PLEKHM3: variants seen among roughly 807,000 people sequenced by gnomAD.
PLEKHM3 encodes pleckstrin homology domain containing M3, also known as pleckstrin homology domain-containing family M member 3.
A neutral mutation model predicts 81.8 loss-of-function variants in PLEKHM3; 45 were observed. That is an observed-to-expected ratio of 0.55 (90% CI 0.43 to 0.71). PLEKHM3 has a LOEUF of 0.71. PLEKHM3 is among the 30% of genes least tolerant of loss of function. The pLI is 0.00. For missense variants in PLEKHM3, 788 were observed against 924.3 expected (o/e 0.85, Z 1.91); for synonymous variants, 352 against 356.4 (o/e 0.99, Z 0.14).
At chr2:207,896,036 T>C (rs568771023) in intron 6 of PLEKHM3, among the ~76,000 whole-genome samples, 59 of 152,344 alleles carry the variant, frequency 3.9e-4, no homozygotes, top group African/African-American at 1.3e-3. Flanking sequence ...TCCAGGTTCC[T>C]TGCTGCACCC....
intron 6 of PLEKHM3, among the ~76,000 whole-genome samples, chr2:207,905,977 C>A (rs1369127213): frequency 6.6e-6 from 1 of 152,070 alleles, no homozygotes; most frequent in East Asian, 1.9e-4. Flanking sequence ...TATAGGAAAG[C>A]CTTAAAAAGC....
At chr2:207,905,726 G>A (rs964299740) in intron 6 of PLEKHM3, among the ~76,000 whole-genome samples, 2 of 152,204 alleles carry the variant, frequency 1.3e-5, no homozygotes, top group Admixed American at 1.3e-4. Context: ...AACCAGGTTA[G>A]AGTGAGCTGT....
intron 1 of PLEKHM3, among the ~76,000 whole-genome samples, chr2:208,013,459 T>C (rs1328909971): frequency 6.7e-6 from 1 of 150,254 alleles, no homozygotes; most frequent in Non-Finnish European, 1.5e-5. Flanking sequence ...GAGGTTGTGG[T>C]GAGCCGAGAT....
chr2:208,011,460 C>T (rs1231448402), intron 1 of PLEKHM3, among the ~76,000 whole-genome samples: 1 of 152,102 alleles, frequency 6.6e-6, no homozygotes, highest in East Asian at 1.9e-4. Flanking sequence ...GCATTTACAG[C>T]AACCTGGATG....
At chr2:207,972,586 CAAAAAA>C (rs35602924) in intron 3 of PLEKHM3, among the ~76,000 whole-genome samples, 1 of 59,608 alleles carries the variant, frequency 1.7e-5, no homozygotes, top group South Asian at 5.7e-4. Context: ...GACTCCGTCT[CAAAAAA>C]AAAAAAAAAA....
At chr2:207,971,138 C>G (rs1445409133) in intron 3 of PLEKHM3, among the ~76,000 whole-genome samples, 3 of 152,236 alleles carry the variant, frequency 2.0e-5, no homozygotes, top group Admixed American at 6.5e-5. Flanking sequence ...GTGAGCTTTG[C>G]ATCTCTTGTC....
At chr2:208,016,193 C>T (rs985414612) in intron 1 of PLEKHM3, among the ~76,000 whole-genome samples, 1 of 152,026 alleles carries the variant, frequency 6.6e-6, no homozygotes, top group African/African-American at 2.4e-5. Flanking sequence ...GACTCCATCT[C>T]AAATAAATAA....
chr2:207,891,028 G>A (rs189271753), intron 6 of PLEKHM3, among the ~76,000 whole-genome samples: 3 of 152,282 alleles, frequency 2.0e-5, no homozygotes. Context: ...ATCCATGTCA[G>A]AGATGGAAAA....
At position 207,824,256 on chromosome 2, in the gene PLEKHM3, G is replaced by C. The variant is rs570271017; in HGVS notation, c.*4063C>G. The C allele has an allele frequency of 6.6e-6, 1 of 152,346 alleles. No homozygotes were observed. Among genetic ancestry groups the C allele is most frequent in the South Asian group, 2.1e-4 (1 of 4,830 alleles). 9.4% of individuals were successfully genotyped at this position (152,346 alleles called of 1,614,324 possible). A position where few individuals can be genotyped will look rare whatever the true frequency, so the allele number is the denominator to read the frequency against. On this transcript the variant is annotated 3_prime_UTR_variant, in exon 8 of 8. Coordinates refer to ENST00000427836, the MANE Select transcript of PLEKHM3 (RefSeq NM_001080475.3). The stretch of plus-strand genomic sequence containing the variant: ...TTCACATTATTTCAGAGTAAGAAAA[G>C]AAGTGGTGCAGACAACTCAAGAAAT...
chr2:207,917,030 AG>A (rs1166812299), intron 5 of PLEKHM3, among the ~76,000 whole-genome samples: 11 of 152,344 alleles, frequency 7.2e-5, no homozygotes, highest in Admixed American at 2.6e-4. Context: ...GAGAAAAAGA[AG>A]GGAGAGGGAA....
Position 207,876,284 on chromosome 2 carries a change from T to TA in PLEKHM3, c.1951-15023dup, listed in dbSNP as rs553504986. Among the ~76,000 whole-genome samples, 137 of 148,954 alleles carry TA rather than the reference T, an allele frequency of 9.2e-4. 1 individual carries two copies. The highest frequency in any genetic ancestry group is 5.6e-3 in the South Asian group (26 of 4,672). ...CTTTTATAACAAATATTTAAATTGT[T>TA]AAAAAAAAAACCAATGACAGCTCTA... On this transcript the variant is annotated intron_variant, in intron 6 of 7. Transcript: ENST00000427836.
intron 7 of PLEKHM3, chr2:207,851,799 C>T (rs539053332): frequency 6.4e-5 from 9 of 140,730 alleles, no homozygotes; most frequent in African/African-American, 2.1e-4. Flanking sequence ...CAGGGTAAAA[C>T]TGTCAGCATT....
At chr2:207,911,716 C>A (rs181008636) in intron 5 of PLEKHM3, among the ~76,000 whole-genome samples, 2 of 152,210 alleles carry the variant, frequency 1.3e-5, no homozygotes, top group East Asian at 3.9e-4. Flanking sequence ...AAAATGAAAG[C>A]AATGTGGCAG....
chr2:208,018,400 A>G (rs896278040), intron 1 of PLEKHM3, among the ~76,000 whole-genome samples: 13 of 151,800 alleles, frequency 8.6e-5, no homozygotes, highest in African/African-American at 1.7e-4. Context: ...GAAAAGAAAA[A>G]AAAAAAAAGA....
At chr2:207,920,529 C>T (rs1054645433) in intron 5 of PLEKHM3, among the ~76,000 whole-genome samples, 1 of 151,958 alleles carries the variant, frequency 6.6e-6, no homozygotes, top group African/African-American at 2.4e-5. Context: ...CTAGTCCAAA[C>T]AGCTGGTGTC....
chr2:207,969,878 A>T (rs1574455122), intron 3 of PLEKHM3, among the ~76,000 whole-genome samples: 1 of 152,170 alleles, frequency 6.6e-6, no homozygotes, highest in Non-Finnish European at 1.5e-5. Flanking sequence ...TAGTACATAG[A>T]TTTTTTTCTA....
chr2:207,981,342 G>A (rs2106043339), intron 2 of PLEKHM3, among the ~76,000 whole-genome samples: 1 of 151,956 alleles, frequency 6.6e-6, no homozygotes, highest in South Asian at 2.1e-4. Context: ...CTTTCTACTG[G>A]ATCTGAAGTT....
intron 6 of PLEKHM3, among the ~76,000 whole-genome samples, chr2:207,891,636 CCTAAA>C: frequency 6.6e-6 from 1 of 152,234 alleles, no homozygotes; most frequent in Non-Finnish European, 1.5e-5. Flanking sequence ...ACCGAGCAGT[CCTAAA>C]GAAAAAAACC....
chr2:207,887,177 T>C (rs1456783362), intron 6 of PLEKHM3, among the ~76,000 whole-genome samples: 4 of 152,362 alleles, frequency 2.6e-5, no homozygotes, highest in Middle Eastern at 3.4e-3. Context: ...TACAGTAATA[T>C]AGCAACACAT....
Sources: gnomAD v4.1 joint callset for allele counts (sites outside exome capture counted in the v4.1 genomes callset) on GRCh38, gnomAD v4.1.1 for gene constraint, MANE v1.5 for transcripts, NCBI Gene and HGNC (gene_info 2026-07-23, HGNC 2026-07-21) for gene names.